SLC35F3: variants seen among roughly 807,000 people sequenced by gnomAD.
SLC35F3 encodes solute carrier family 35 member F3.
A neutral mutation model predicts 49.9 loss-of-function variants in SLC35F3; 25 were observed. The observed-to-expected ratio is 0.50, with a 90% CI of 0.37 to 0.70. The LOEUF (loss-of-function observed/expected upper bound fraction) is 0.70, where lower values mean the gene tolerates loss of function less well. Among genes scored for constraint, SLC35F3 ranks in the 30% least tolerant of loss-of-function variants. The probability of loss-of-function intolerance (pLI) is 0.00; values close to 1 mark genes in which losing one functional copy is unlikely to be tolerated. For synonymous variants in SLC35F3, 275 were observed against 265.4 expected (o/e 1.04, Z -0.35); for missense variants, 525 against 639.8 (o/e 0.82, Z 1.94).
chr1:234,287,310 T>G (rs1668438211), intron 3 of SLC35F3, among the ~76,000 whole-genome samples: 1 of 151,716 alleles, frequency 6.6e-6, no homozygotes, highest in Admixed American at 6.6e-5. Flanking sequence ...CCTTAAGATA[T>G]GCCTTATACC....
At chr1:234,042,752 G>A (rs1371537627) in intron 2 of SLC35F3, among the ~76,000 whole-genome samples, 1 of 152,136 alleles carries the variant, frequency 6.6e-6, no homozygotes, top group East Asian at 1.9e-4. Context: ...TGCAAGCATG[G>A]TGCGTGTAAC....
At chr1:233,982,049 A>AG (rs1457464340) in intron 2 of SLC35F3, among the ~76,000 whole-genome samples, 4 of 152,134 alleles carry the variant, frequency 2.6e-5, no homozygotes, top group Non-Finnish European at 5.9e-5. Context: ...CAGCTGCCTG[A>AG]GTGGTTGGAA....
At chr1:234,029,838 G>A (rs184090422) in intron 2 of SLC35F3, among the ~76,000 whole-genome samples, 1 of 151,834 alleles carries the variant, frequency 6.6e-6, no homozygotes, top group Non-Finnish European at 1.5e-5. Context: ...CTCCAGCCTG[G>A]GCAATAGAGA....
chr1:234,280,293 C>T (rs990625354), intron 3 of SLC35F3, among the ~76,000 whole-genome samples: 1 of 152,230 alleles, frequency 6.6e-6, no homozygotes, highest in Admixed American at 6.5e-5. Flanking sequence ...TAAACTTTGT[C>T]TTCTCCTTAT....
chr1:234,164,800 A>T (rs1572077214), intron 2 of SLC35F3, among the ~76,000 whole-genome samples: 1 of 109,836 alleles, frequency 9.1e-6, no homozygotes, highest in Non-Finnish European at 1.7e-5. Context: ...ACTGAGAAAG[A>T]TATTTTTCTG....
At chr1:234,148,754 A>G (rs1368872864) in intron 2 of SLC35F3, among the ~76,000 whole-genome samples, 2 of 152,220 alleles carry the variant, frequency 1.3e-5, no homozygotes, top group East Asian at 3.8e-4. Flanking sequence ...TTGAACTAAG[A>G]TGGTGGCAAT....
chr1:234,224,683 G>T (rs1407111916), intron 2 of SLC35F3, among the ~76,000 whole-genome samples: 1 of 152,214 alleles, frequency 6.6e-6, no homozygotes, highest in Non-Finnish European at 1.5e-5. Context: ...TCCCGTTGAT[G>T]CTCTGGAGTC....
chr1:234,023,675 C>T (rs952075999), intron 2 of SLC35F3, among the ~76,000 whole-genome samples: 68 of 152,156 alleles, frequency 4.5e-4, no homozygotes, highest in African/African-American at 1.6e-3. Context: ...GAAACCTGGG[C>T]AATCACCGCC....
At chr1:234,211,860 G>C (rs1335372466) in intron 2 of SLC35F3, among the ~76,000 whole-genome samples, 3 of 152,180 alleles carry the variant, frequency 2.0e-5, no homozygotes. Flanking sequence ...TGAGATTTGG[G>C]AGGTGCCAGG....
intron 2 of SLC35F3, among the ~76,000 whole-genome samples, chr1:234,078,594 T>C (rs1320472334): frequency 6.6e-6 from 1 of 152,220 alleles, no homozygotes; most frequent in Admixed American, 6.5e-5. Context: ...CTCTAAAAGC[T>C]AAGCCTCAGA....
intron 3 of SLC35F3, among the ~76,000 whole-genome samples, chr1:234,303,545 G>A (rs1035645995): frequency 5.9e-5 from 9 of 152,310 alleles, no homozygotes; most frequent in East Asian, 3.9e-4. Flanking sequence ...GGGAGACACC[G>A]CTGTTGAGGA....
At chr1:234,200,017 G>A (rs903793929) in intron 2 of SLC35F3, among the ~76,000 whole-genome samples, 5 of 152,128 alleles carry the variant, frequency 3.3e-5, no homozygotes, top group African/African-American at 1.2e-4. Flanking sequence ...AGAGTAACAG[G>A]GACAACACAC....
intron 2 of SLC35F3, among the ~76,000 whole-genome samples, chr1:234,186,178 C>CATTG (rs1488697067): frequency 2.0e-5 from 3 of 152,326 alleles, no homozygotes; most frequent in African/African-American, 7.2e-5. Flanking sequence ...TAAGCAGTCT[C>CATTG]ATTGCATTAA....
Position 234,157,366 on chromosome 1 carries a change from G to A in SLC35F3, c.284-74051G>A, listed in dbSNP as rs1370355084. On this transcript the variant is annotated intron_variant, in intron 2 of 7. Transcript: ENST00000366618. ...AACATAAGCCAGATCACGCTGCTGC[G>A]CTGCTCAGAACCGTCCGTGGACTCC... Among the ~76,000 whole-genome samples, 3 of 152,192 alleles carry A rather than the reference G, an allele frequency of 2.0e-5. No individual in the cohort carries two copies. In the East Asian group the frequency reaches 5.8e-4, roughly 29 times the overall value.
intron 2 of SLC35F3, among the ~76,000 whole-genome samples, chr1:234,217,498 G>C (rs890872305): frequency 1.3e-5 from 2 of 152,204 alleles, no homozygotes; most frequent in Non-Finnish European, 2.9e-5. Flanking sequence ...AAGGTGTCAC[G>C]GGGACACTGA....
chr1:234,223,215 G>C (rs549857405), intron 2 of SLC35F3, among the ~76,000 whole-genome samples: 1 of 152,204 alleles, frequency 6.6e-6, no homozygotes, highest in East Asian at 1.9e-4. Flanking sequence ...AGAGTTATTC[G>C]GGACCTCTAA....
chr1:234,060,391 AT>A (rs1664522424), intron 2 of SLC35F3, among the ~76,000 whole-genome samples: 1 of 152,058 alleles, frequency 6.6e-6, no homozygotes, highest in Non-Finnish European at 1.5e-5. Context: ...TTTCTATCAG[AT>A]TTGTGCTAAC....
chr1:234,080,425 C>T (rs1378765796), intron 2 of SLC35F3, among the ~76,000 whole-genome samples: 1 of 152,148 alleles, frequency 6.6e-6, no homozygotes, highest in Non-Finnish European at 1.5e-5. Context: ...CACACAAAAA[C>T]ATGCATATGA....
chr1:234,147,230 CTTT>C (rs201359916), intron 2 of SLC35F3, among the ~76,000 whole-genome samples: 30,734 of 124,830 alleles, frequency 0.25, 4,575 homozygotes, highest in East Asian at 0.64. Flanking sequence ...TTTCTATTTT[CTTT>C]TTTTTTTTTT....
Sources: gnomAD v4.1 joint callset for allele counts (sites outside exome capture counted in the v4.1 genomes callset) on GRCh38, gnomAD v4.1.1 for gene constraint, MANE v1.5 for transcripts, NCBI Gene and HGNC (gene_info 2026-07-23, HGNC 2026-07-21) for gene names.